KIAA1549L: variants seen among roughly 807,000 people sequenced by gnomAD.
KIAA1549L encodes UPF0606 protein KIAA1549L.
KIAA1549L carries 88 observed loss-of-function variants against 160.7 expected under a neutral mutation model. The ratio of observed to expected loss-of-function variants is 0.55; its 90% CI spans 0.46 to 0.65. KIAA1549L has a LOEUF of 0.65. Among genes scored for constraint, KIAA1549L ranks in the 30% least tolerant of loss-of-function variants. The probability of loss-of-function intolerance (pLI) is 0.00; values close to 1 mark genes in which losing one functional copy is unlikely to be tolerated. For missense variants in KIAA1549L, 2,258 were observed against 2,437.5 expected (o/e 0.93, Z 1.55); for synonymous variants, 950 against 976.7 (o/e 0.97, Z 0.51).
chr11:33,512,754 G>A lies in KIAA1549L; in HGVS notation c.239-29048G>A, dbSNP rs139482705. ...AGGTAATATTCGAAATCCTTTTAGTGCATTATCTCCTTCAGTTCTCACATC... is the reference window on the plus strand; with the variant it reads ...AGGTAATATTCGAAATCCTTTTAGTACATTATCTCCTTCAGTTCTCACATC... On this transcript the variant is annotated intron_variant, in intron 1 of 20. Coordinates refer to ENST00000658780, the MANE Select transcript of KIAA1549L (RefSeq NM_012194.3). Among the ~76,000 whole-genome samples the A allele has an allele frequency of 1.2e-3, 178 of 152,190 alleles. No homozygotes were observed. In the South Asian group the frequency reaches 0.025, roughly 21 times the overall value.
At chr11:33,461,625 G>A (rs375458451) in intron 1 of KIAA1549L, among the ~76,000 whole-genome samples, 2 of 152,262 alleles carry the variant, frequency 1.3e-5, no homozygotes, top group East Asian at 3.9e-4. Flanking sequence ...CAAAGGACCT[G>A]TATGTTGCTA....
chr11:33,394,417 A>G (rs529837572), intron 1 of KIAA1549L, among the ~76,000 whole-genome samples: 2 of 26,022 alleles, frequency 7.7e-5, no homozygotes, highest in South Asian at 1.8e-3. Flanking sequence ...AAATAAATAA[A>G]TAAACAAACA....
chr11:33,603,766 A>G (rs1370223509), intron 13 of KIAA1549L, among the ~76,000 whole-genome samples: 1 of 151,328 alleles, frequency 6.6e-6, no homozygotes, highest in Non-Finnish European at 1.5e-5. Context: ...AAATCATGCC[A>G]TTGCACTCCA....
chr11:33,495,659 G>A (rs1171092901), intron 1 of KIAA1549L, among the ~76,000 whole-genome samples: 1 of 152,108 alleles, frequency 6.6e-6, no homozygotes, highest in African/African-American at 2.4e-5. Context: ...GGATGGCTGG[G>A]TCAAATGGTA....
In KIAA1549L at chr11:33,650,432, G is replaced by A. The variant is rs142328965; in HGVS notation, c.5760+4396G>A. ...TTTATTTTTCTGTGATCTTCTCTGC[G>A]TGCCAGAAGCTCAGTCTCAGTTCAG... On this transcript the variant is annotated intron_variant, in intron 17 of 20. Coordinates refer to ENST00000658780, the MANE Select transcript of KIAA1549L (RefSeq NM_012194.3). Among the ~76,000 whole-genome samples, 308 of 152,236 alleles carry A rather than the reference G, an allele frequency of 2.0e-3. 1 individual carries two copies. The highest frequency in any genetic ancestry group is 7.1e-3 in the African/African-American group (293 of 41,530).
chr11:33,431,142 G>T (rs985645145), intron 1 of KIAA1549L, among the ~76,000 whole-genome samples: 5 of 152,026 alleles, frequency 3.3e-5, no homozygotes, highest in Non-Finnish European at 7.4e-5. Flanking sequence ...TCGTGGGCTC[G>T]CTGGCTTCAG....
At chr11:33,633,722 C>T (rs1457546734) in intron 16 of KIAA1549L, among the ~76,000 whole-genome samples, 2 of 152,290 alleles carry the variant, frequency 1.3e-5, no homozygotes, top group East Asian at 3.9e-4. Flanking sequence ...TTAATTATGA[C>T]TGTGGTTTAT....
chr11:33,407,080 C>CCTTTTTTTTTTTTTTT (rs1491483483), intron 1 of KIAA1549L, among the ~76,000 whole-genome samples: 1 of 79,586 alleles, frequency 1.3e-5, no homozygotes, highest in Non-Finnish European at 2.4e-5. Flanking sequence ...TTTCTTTTTT[C>CCTTTTTTTTTTTTTTT]ATTTTTTTTT....
At chr11:33,480,404 A>T (rs1852385337) in intron 1 of KIAA1549L, among the ~76,000 whole-genome samples, 1 of 152,130 alleles carries the variant, frequency 6.6e-6, no homozygotes, top group Non-Finnish European at 1.5e-5. Context: ...AATTGTATAG[A>T]TGGGCTTTAC....
chr11:33,444,400 A>G (rs1384232982), intron 1 of KIAA1549L, among the ~76,000 whole-genome samples: 1 of 152,194 alleles, frequency 6.6e-6, no homozygotes, highest in Admixed American at 6.5e-5. Flanking sequence ...TGGAAAAGGA[A>G]AAGTGTACAT....
At chr11:33,525,639 C>T (rs1283248032) in intron 1 of KIAA1549L, among the ~76,000 whole-genome samples, 2 of 152,022 alleles carry the variant, frequency 1.3e-5, no homozygotes, top group Admixed American at 6.5e-5. Context: ...GCAGAAGTCA[C>T]AGCCAAAGCT....
chr11:33,567,279 C>T (rs773373003), intron 8 of KIAA1549L, among the ~76,000 whole-genome samples: 1 of 152,200 alleles, frequency 6.6e-6, no homozygotes, highest in Non-Finnish European at 1.5e-5. Context: ...CATATCCTGT[C>T]TCATTTAAAC....
intron 1 of KIAA1549L, among the ~76,000 whole-genome samples, chr11:33,495,187 A>C (rs1852785877): frequency 6.6e-6 from 1 of 152,076 alleles, no homozygotes; most frequent in African/African-American, 2.4e-5. Flanking sequence ...CAGGTTAGTT[A>C]CATATGTATA....
intron 16 of KIAA1549L, among the ~76,000 whole-genome samples, chr11:33,643,607 C>T: frequency 6.6e-6 from 1 of 152,150 alleles, no homozygotes; most frequent in East Asian, 1.9e-4. Flanking sequence ...CCTTGTGTGG[C>T]TAGCAACCAG....
intron 9 of KIAA1549L, among the ~76,000 whole-genome samples, chr11:33,574,492 C>A (rs371698672): frequency 1.3e-5 from 2 of 152,190 alleles, no homozygotes; most frequent in African/African-American, 4.8e-5. Flanking sequence ...TCCAGATGTT[C>A]GTATTTTTCA....
At chr11:33,551,934 A>G (rs539804593) in intron 5 of KIAA1549L, among the ~76,000 whole-genome samples, 174 bp from the exon 6 acceptor site, 23 of 152,196 alleles carry the variant, frequency 1.5e-4, no homozygotes, top group Non-Finnish European at 2.6e-4. Context: ...TGTGTTATAT[A>G]ATTCATCTTA....
intron 1 of KIAA1549L, among the ~76,000 whole-genome samples, chr11:33,436,393 A>T (rs1851381586): frequency 6.6e-6 from 1 of 152,216 alleles, no homozygotes; most frequent in African/African-American, 2.4e-5. Flanking sequence ...CTACTGTCCC[A>T]GCTTGAAGGC....
chr11:33,606,590 T>C lies in KIAA1549L; in HGVS notation c.4880-51T>C, dbSNP rs1316448307. 10 of 1,566,906 alleles carry C rather than the reference T, an allele frequency of 6.4e-6. No homozygotes were observed. The East Asian group carries it at 2.2e-4, about 35-fold the overall frequency. On this transcript the variant is annotated intron_variant, in intron 13 of 20. Coordinates refer to ENST00000658780, the MANE Select transcript of KIAA1549L (RefSeq NM_012194.3). ...GAGTCTAACATAAATTCTCCTGGGA[T>C]CACACAGCTCCCCAACATCATAAAA...
intron 11 of KIAA1549L, among the ~76,000 whole-genome samples, chr11:33,588,169 TAGTACTGTGCCATTAATATCA>T (rs1487949118): frequency 6.6e-6 from 1 of 152,212 alleles, no homozygotes; most frequent in African/African-American, 2.4e-5. Context: ...ATACTGTCTT[TAGTACTGTGCCATTAATATCA>T]AATGAAGCTG....
Sources: allele counts gnomAD v4.1 joint callset (sites outside exome capture counted in the v4.1 genomes callset), GRCh38; gene constraint gnomAD v4.1.1; transcripts MANE v1.5; gene names NCBI Gene and HGNC (gene_info 2026-07-23, HGNC 2026-07-21).